Variants in MECOM observed in about 807,000 individuals in gnomAD.
The protein encoded by MECOM is histone-lysine N-methyltransferase MECOM.
A neutral mutation model predicts 116.3 loss-of-function variants in MECOM; 13 were observed. The ratio of observed to expected loss-of-function variants is 0.11; its 90% CI spans 0.07 to 0.18. MECOM has a LOEUF of 0.18. Ranked by LOEUF, MECOM falls within the 10% of genes least tolerant of loss-of-function variation. The pLI is 1.00. For synonymous variants in MECOM, 528 were observed against 535.2 expected, an observed-to-expected ratio of 0.99 and a Z score of 0.19; for missense variants, 1,299 against 1,509.0, an observed-to-expected ratio of 0.86 and a Z score of 2.31.
chr3:169,309,646 T>C (rs1159555318), intron 2 of MECOM, among the ~76,000 whole-genome samples: 3 of 152,242 alleles, frequency 2.0e-5, no homozygotes, highest in Non-Finnish European at 4.4e-5. Flanking sequence ...TTTATTTCCA[T>C]ATCTGCCTCA....
chr3:169,334,592 G>C (rs185004494), intron 2 of MECOM, among the ~76,000 whole-genome samples: 20 of 152,238 alleles, frequency 1.3e-4, no homozygotes, highest in African/African-American at 7.2e-5. Flanking sequence ...CATTGCGAGA[G>C]AGAAATAGTT....
At chr3:169,642,446 C>CA (rs397950899) in intron 1 of MECOM, among the ~76,000 whole-genome samples, 8,566 of 68,848 alleles carry the variant, frequency 0.12, 320 homozygotes, top group Middle Eastern at 0.21. Flanking sequence ...GACTCCATCT[C>CA]AAAAAAAAAA....
chr3:169,347,780 A>G (rs1169390166), intron 2 of MECOM, among the ~76,000 whole-genome samples: 3 of 152,076 alleles, frequency 2.0e-5, no homozygotes, highest in Non-Finnish European at 4.4e-5. Flanking sequence ...CTCTGTGAAC[A>G]TAAGAGCAAG....
Position 169,536,347 on chromosome 3 carries a change from CTT to C in MECOM, c.37+126987_37+126988del, listed in dbSNP as rs10634392. Reference sequence around the variant, plus strand: ...GAGCTCTGTTTGTTAAATGTCTCTCCTTTTTTTTTTTTTTTTTTTTGGTATTC... The same window carrying C: ...GAGCTCTGTTTGTTAAATGTCTCTCCTTTTTTTTTTTTTTTTTTGGTATTC... On this transcript the variant is annotated intron_variant, in intron 1 of 16. Transcript: ENST00000651503. 7.7e-3 allele frequency among the ~76,000 whole-genome samples: 892 copies of C among 116,054 alleles called. 14 individuals are homozygous for C. The highest frequency in any genetic ancestry group is 0.029 in the African/African-American group (832 of 28,704). The allele number at this position is 116,054 out of a possible 152,430, so 76.1% of individuals were successfully genotyped here.
chr3:169,506,852 C>T (rs1755295232), intron 1 of MECOM, among the ~76,000 whole-genome samples: 1 of 152,202 alleles, frequency 6.6e-6, no homozygotes, highest in African/African-American at 2.4e-5. Flanking sequence ...ATCTCTCTGC[C>T]TTTGAACAGT....
Position 169,651,224 on chromosome 3 carries a change from G to C in MECOM, c.37+12112C>G, listed in dbSNP as rs1049906081. Among the ~76,000 whole-genome samples, 5 of 152,154 alleles carry C rather than the reference G, an allele frequency of 3.3e-5. No homozygotes were observed. In the East Asian group the frequency reaches 7.7e-4, roughly 23 times the overall value. On this transcript the variant is annotated intron_variant, in intron 1 of 16. Transcript: ENST00000651503. Reference sequence around the variant, plus strand: ...TTTGCTGAAAGTTTTAATCCTAAAGGGATGCTGGATTTTGTCAAATGCCTT... The same window carrying C: ...TTTGCTGAAAGTTTTAATCCTAAAGCGATGCTGGATTTTGTCAAATGCCTT...
chr3:169,149,937 G>C (rs1975981), intron 2 of MECOM, among the ~76,000 whole-genome samples: 3,414 of 27,608 alleles, frequency 0.12, 52 homozygotes, highest in South Asian at 0.22. Context: ...CTCTCTCTCT[G>C]TGTGTGTGTG....
chr3:169,325,312 C>T (rs1010394836), intron 2 of MECOM, among the ~76,000 whole-genome samples: 4 of 152,044 alleles, frequency 2.6e-5, no homozygotes, highest in African/African-American at 7.2e-5. Context: ...GCCAAATTCC[C>T]GATGAATGTT....
intron 2 of MECOM, among the ~76,000 whole-genome samples, chr3:169,281,789 G>A (rs1281135922): frequency 6.6e-6 from 1 of 152,056 alleles, no homozygotes; most frequent in Non-Finnish European, 1.5e-5. Flanking sequence ...TTCAGCCTGG[G>A]TGACAATGAG....
intron 1 of MECOM, chr3:169,464,132 C>T (rs190248977): frequency 3.3e-5 from 5 of 152,250 alleles, no homozygotes; most frequent in African/African-American, 9.6e-5. Context: ...GGTAATGATG[C>T]TATTCCTATT....
intron 1 of MECOM, among the ~76,000 whole-genome samples, chr3:169,555,705 G>A (rs1451624102): frequency 6.6e-6 from 1 of 152,174 alleles, no homozygotes; most frequent in Non-Finnish European, 1.5e-5. Flanking sequence ...GTTACCTCCA[G>A]CTCCCAAGAG....
At chr3:169,662,869 G>A (rs1776490351) in intron 1 of MECOM, among the ~76,000 whole-genome samples, 1 of 151,874 alleles carries the variant, frequency 6.6e-6, no homozygotes, top group African/African-American at 2.4e-5. Context: ...CCCTTCTCCT[G>A]CCGGCCCCCC....
intron 2 of MECOM, among the ~76,000 whole-genome samples, chr3:169,176,287 T>C (rs979611605): frequency 2.0e-5 from 3 of 152,008 alleles, no homozygotes; most frequent in African/African-American, 7.3e-5. Flanking sequence ...ATCAGGGAAG[T>C]CTCCCTCAGG....
At chr3:169,187,879 C>T (rs116216194) in intron 2 of MECOM, among the ~76,000 whole-genome samples, 46 of 152,072 alleles carry the variant, frequency 3.0e-4, no homozygotes, top group Non-Finnish European at 5.3e-4. Flanking sequence ...ATAAATTAGA[C>T]GCACACTGGG....
chr3:169,261,289 T>G (rs1357694395), intron 2 of MECOM, among the ~76,000 whole-genome samples: 1 of 152,216 alleles, frequency 6.6e-6, no homozygotes, highest in African/African-American at 2.4e-5. Flanking sequence ...TTAAAATACA[T>G]GGAGCACTAT....
chr3:169,109,932 T>A (rs1457224758), intron 9 of MECOM, among the ~76,000 whole-genome samples: 1 of 152,288 alleles, frequency 6.6e-6, no homozygotes, highest in Non-Finnish European at 1.5e-5. Flanking sequence ...AATACCACTA[T>A]GAAGCATCCT....
chr3:169,465,444 TAAATA>T (rs905555063), intron 1 of MECOM, among the ~76,000 whole-genome samples: 7 of 152,222 alleles, frequency 4.6e-5, no homozygotes, highest in Admixed American at 1.3e-4. Context: ...ATTCATTATA[TAAATA>T]AAATAAAATA....
At chr3:169,489,162 T>A (rs900120810) in intron 1 of MECOM, among the ~76,000 whole-genome samples, 1 of 152,090 alleles carries the variant, frequency 6.6e-6, no homozygotes, top group Non-Finnish European at 1.5e-5. Context: ...AAAATAAAAC[T>A]TACTGAAATT....
intron 2 of MECOM, among the ~76,000 whole-genome samples, chr3:169,288,191 G>A (rs1008528592): frequency 1.3e-5 from 2 of 151,608 alleles, no homozygotes; most frequent in African/African-American, 2.4e-5. Flanking sequence ...TTACACTTGG[G>A]GGGTAGGGGG....
Sources: allele counts gnomAD v4.1 joint callset (sites outside exome capture counted in the v4.1 genomes callset), GRCh38; gene constraint gnomAD v4.1.1; transcripts MANE v1.5; gene names NCBI Gene and HGNC (gene_info 2026-07-23, HGNC 2026-07-21).